The following PMS1 variants were observed in gnomAD, a reference collection of about 807,000 sequenced individuals.
PMS1 encodes PMS1 protein homolog 1.
In PMS1, 79 loss-of-function variants were observed where a neutral mutation model predicts 93.1. That is an observed-to-expected ratio of 0.85 (90% confidence interval 0.71 to 1.02). PMS1 has a LOEUF of 1.02. Ranked by LOEUF, PMS1 falls within the 50% of genes least tolerant of loss-of-function variation. The probability of loss-of-function intolerance (pLI) is 0.00; values close to 1 mark genes in which losing one functional copy is unlikely to be tolerated. For missense variants in PMS1, 1,064 were observed against 1,085.3 expected, an observed-to-expected ratio of 0.98 and a Z score of 0.28; for synonymous variants, 335 against 363.4, an observed-to-expected ratio of 0.92 and a Z score of 0.89.
chr2:189,790,720 AATC>A (rs1453457455), intron 1 of PMS1, among the ~76,000 whole-genome samples: 1 of 152,200 alleles, frequency 6.6e-6, no homozygotes, highest in African/African-American at 2.4e-5. Flanking sequence ...TTCTTATTGT[AATC>A]ATCATTTTAA....
At chr2:189,823,355 G>A (rs929461112) in intron 5 of PMS1, among the ~76,000 whole-genome samples, 11 of 152,040 alleles carry the variant, frequency 7.2e-5, no homozygotes, top group Admixed American at 7.2e-4. Flanking sequence ...CATGTGCCAT[G>A]TTGGTGTGCT....
chr2:189,807,692 C>G (rs1463384998), intron 4 of PMS1, among the ~76,000 whole-genome samples: 1 of 152,198 alleles, frequency 6.6e-6, no homozygotes, highest in Non-Finnish European at 1.5e-5. Flanking sequence ...TGCCCTTTTG[C>G]TGTTGATTTT....
At chr2:189,805,870 A>G (rs1243614593) in intron 4 of PMS1, 116 bp downstream of exon 4, 5 of 1,551,944 alleles carry the variant, frequency 3.2e-6, no homozygotes, top group African/African-American at 1.4e-5. Context: ...TGGTCCTGAT[A>G]AAGGCTAGTT....
intron 12 of PMS1, 96 bp downstream of exon 12, chr2:189,873,752 G>A: frequency 1.2e-6 from 1 of 821,712 alleles, no homozygotes; most frequent in South Asian, 1.4e-5. Context: ...GAGGTGAGCG[G>A]CCTCCTAGCG....
At chr2:189,856,382 GAGATAA>G (rs907452791) in intron 9 of PMS1, among the ~76,000 whole-genome samples, 1 of 151,906 alleles carries the variant, frequency 6.6e-6, no homozygotes, top group African/African-American at 2.4e-5. Context: ...GTATCTCTAA[GAGATAA>G]AGATATTCAT....
At chr2:189,867,178 T>C (rs938724378) in intron 10 of PMS1, among the ~76,000 whole-genome samples, 12 of 152,212 alleles carry the variant, frequency 7.9e-5, no homozygotes, top group Non-Finnish European at 1.6e-4. Flanking sequence ...ACAGACACCT[T>C]TTTGCAATGA....
At chr2:189,814,356 C>T (rs928572391) in intron 4 of PMS1, among the ~76,000 whole-genome samples, 1 of 151,664 alleles carries the variant, frequency 6.6e-6, no homozygotes, top group Admixed American at 6.6e-5. Flanking sequence ...TAATGAGGCA[C>T]CAGATCAAGA....
At chr2:189,835,621 AACTT>A (rs1419268413) in intron 5 of PMS1, among the ~76,000 whole-genome samples, 2 of 152,170 alleles carry the variant, frequency 1.3e-5, no homozygotes, top group African/African-American at 4.8e-5. Context: ...CTTAGAAGTA[AACTT>A]ATGGTACTTA....
chr2:189,803,565 A>C (rs1469809411), intron 3 of PMS1, among the ~76,000 whole-genome samples: 2 of 152,156 alleles, frequency 1.3e-5, no homozygotes, highest in Non-Finnish European at 2.9e-5. Flanking sequence ...ACTGTTAGAG[A>C]TGCTCCTGAT....
intron 3 of PMS1, among the ~76,000 whole-genome samples, chr2:189,803,680 T>G (rs1043845943): frequency 1.6e-4 from 24 of 152,216 alleles, no homozygotes; most frequent in African/African-American, 5.8e-4. Context: ...CAGGGTCATA[T>G]GATGAAACAA....
At chr2:189,836,956 A>G (rs2053431817) in intron 5 of PMS1, among the ~76,000 whole-genome samples, 2 of 152,216 alleles carry the variant, frequency 1.3e-5, no homozygotes. Context: ...TAAGATTTAT[A>G]TCTGTATCTA....
intron 9 of PMS1, among the ~76,000 whole-genome samples, chr2:189,862,904 T>A (rs1403292965): frequency 6.6e-6 from 1 of 152,128 alleles, no homozygotes; most frequent in Non-Finnish European, 1.5e-5. Flanking sequence ...CTTCTAATGG[T>A]TGTTTTTCTT....
At chr2:189,796,070 T>G in intron 3 of PMS1, 119 bp downstream of exon 3, 1 of 839,288 alleles carries the variant, frequency 1.2e-6, no homozygotes, top group Non-Finnish European at 2.0e-6. Flanking sequence ...AAAATATACA[T>G]AACATAAGCC....
chr2:189,794,139 G>A (rs2049133410), intron 2 of PMS1, among the ~76,000 whole-genome samples: 1 of 152,058 alleles, frequency 6.6e-6, no homozygotes. Flanking sequence ...TTTTGAGACA[G>A]TCTCATTCTG....
At chr2:189,843,943 C>CTA in intron 5 of PMS1, 21 bp from the exon 6 acceptor site, 1 of 1,580,606 alleles carries the variant, frequency 6.3e-7, no homozygotes, top group Non-Finnish European at 8.7e-7. Context: ...TAAAAGTTAT[C>CTA]TATATCATTT....
At chr2:189,787,680 T>C (rs551504340) in intron 1 of PMS1, among the ~76,000 whole-genome samples, 1 of 152,268 alleles carries the variant, frequency 6.6e-6, no homozygotes, top group African/African-American at 2.4e-5. Context: ...TGTTGAACAG[T>C]GCTGGATAGA....
intron 3 of PMS1, among the ~76,000 whole-genome samples, chr2:189,805,075 C>A (rs2050216132): frequency 6.6e-6 from 1 of 152,058 alleles, no homozygotes; most frequent in African/African-American, 2.4e-5. Context: ...ATGTCTTCTT[C>A]ACTTATGCTT....
intron 8 of PMS1, 65 bp from the exon 9 acceptor site, chr2:189,854,171 TTTA>T: frequency 2.9e-6 from 4 of 1,391,778 alleles, no homozygotes; most frequent in Non-Finnish European, 2.9e-6. Flanking sequence ...ATTTATCTTT[TTTA>T]TTATTTAAAA....
intron 12 of PMS1, among the ~76,000 whole-genome samples, chr2:189,876,874 G>C (rs533709348): frequency 6.7e-6 from 1 of 149,586 alleles, no homozygotes; most frequent in East Asian, 2.0e-4. Flanking sequence ...GTCTCCCAAA[G>C]TGTTGAGATT....
Sources: gnomAD v4.1 joint callset for allele counts (sites outside exome capture counted in the v4.1 genomes callset) on GRCh38, gnomAD v4.1.1 for gene constraint, MANE v1.5 for transcripts, NCBI Gene and HGNC (gene_info 2026-07-23, HGNC 2026-07-21) for gene names.